Variants in KCTD13 observed in about 807,000 individuals in gnomAD.
The protein encoded by KCTD13 is BTB/POZ domain-containing adapter for CUL3-mediated RhoA degradation protein 1.
KCTD13 carries 15 observed loss-of-function variants against 32.3 expected under a neutral mutation model. The observed-to-expected ratio is 0.46, with a 90% CI of 0.31 to 0.71. KCTD13 has a LOEUF of 0.71. Among genes scored for constraint, KCTD13 ranks in the 30% least tolerant of loss-of-function variants. KCTD13 has a pLI of 0.05. For missense variants in KCTD13, 337 were observed against 452.6 expected (o/e 0.74, Z 2.32); for synonymous variants, 189 against 200.1 (o/e 0.94, Z 0.47).
chr16:29,916,101 C>G (rs1456777081), intron 2 of KCTD13, among the ~76,000 whole-genome samples: 2 of 152,192 alleles, frequency 1.3e-5, no homozygotes, highest in African/African-American at 4.8e-5. Context: ...ACCCTCCACA[C>G]TAATGCAGGA....
intron 5 of KCTD13, among the ~76,000 whole-genome samples, chr16:29,910,657 C>T (rs1226825370): frequency 6.6e-6 from 1 of 152,150 alleles, no homozygotes; most frequent in African/African-American, 2.4e-5. Context: ...CTATGCCTCA[C>T]CCCTTCTGAG....
chr16:29,923,303 G>A lies in KCTD13; in HGVS notation c.301C>T (p.Arg101Trp). The A allele has an allele frequency of 1.2e-6, 2 of 1,614,096 alleles. No homozygotes were observed. Among genetic ancestry groups the A allele is most frequent in the Non-Finnish European group, 8.5e-7 (1 of 1,180,030 alleles). Residue 101 changes from arginine (R) to tryptophan (W), a missense_variant, in exon 2 of 6, where the codon CGG becomes TGG. This residue lies in a region of KCTD13 where 252 missense variants were observed against 340.2 expected (regional missense o/e 0.74). Transcript: ENST00000568000. ...TCCGGCAGTGGCACAGACCCATCCC[G>A]CAGGTAATTGAGGATTGTACCAAAG... is the stretch of plus-strand genomic sequence containing the variant. Reference protein sequence around the residue: ...RHFGTILNYLRDGSVPLPEST... With the variant: ...RHFGTILNYLWDGSVPLPEST...
intron 2 of KCTD13, chr16:29,912,409 G>C: frequency 2.7e-6 from 1 of 366,110 alleles, no homozygotes; most frequent in Non-Finnish European, 4.9e-6. Flanking sequence ...GGCTAAAACA[G>C]CCTCCTCTAC....
At chr16:29,921,648 C>T (rs922084220) in intron 2 of KCTD13, 1 of 151,988 alleles carries the variant, frequency 6.6e-6, no homozygotes, top group South Asian at 2.1e-4. Context: ...AACTACAGGC[C>T]GGGTTTTAAA....
Position 29,911,883 on chromosome 16 carries a change from G to T in KCTD13, c.505-16C>A. On this transcript the variant is annotated splice_polypyrimidine_tract_variant and intron_variant, in intron 3 of 5. Coordinates refer to ENST00000568000, the MANE Select transcript of KCTD13 (RefSeq NM_178863.5). Reference sequence around the variant, plus strand: ...TCACCACGGGCTGGCGGGGGAGAGAGGATGGACGAGAGGGGTGAGGCTGCA... The same window carrying T: ...TCACCACGGGCTGGCGGGGGAGAGATGATGGACGAGAGGGGTGAGGCTGCA... 3 of 1,612,078 alleles carry T rather than the reference G, an allele frequency of 1.9e-6. No homozygotes were observed. The highest frequency in any genetic ancestry group is 2.5e-6 in the Non-Finnish European group (3 of 1,178,946).
chr16:29,918,318 G>C (rs2068844878), intron 2 of KCTD13, among the ~76,000 whole-genome samples: 1 of 152,186 alleles, frequency 6.6e-6, no homozygotes, highest in Admixed American at 6.5e-5. Context: ...CCATCCCCTA[G>C]ATCCAGGGGC....
Position 29,925,934 on chromosome 16 carries a change from T to C in KCTD13, c.100A>G (p.Lys34Glu). The change falls in exon 1 of 6, where the codon AAG (lysine) becomes GAG (glutamate). Residue 34 changes from lysine to glutamate, a missense_variant. Coordinates refer to ENST00000568000, the MANE Select transcript of KCTD13 (RefSeq NM_178863.5). Reference protein sequence around the residue: ...LEPGPAAYGLKPLTPNSKYVK... With the variant: ...LEPGPAAYGLEPLTPNSKYVK... ...TATTTGCTGTTCGGGGTCAGCGGCT[T>C]GAGACCGTAGGCGGCGGGGCCAGGC... 6.2e-7 allele frequency: 1 copy of C among 1,613,740 alleles called. No homozygotes were observed. The highest frequency in any genetic ancestry group is 1.1e-5 in the South Asian group (1 of 91,076).
chr16:29,912,307 T>C, intron 2 of KCTD13: 1 of 552,810 alleles, frequency 1.8e-6, no homozygotes, highest in East Asian at 3.2e-5. Context: ...GGGATGCTTC[T>C]TTGCTCAGCT....
In KCTD13 at chr16:29,906,423, G is replaced by C. The variant is rs1028008262; in HGVS notation, c.*449C>G. 25 of 412,926 alleles carry C rather than the reference G, an allele frequency of 6.1e-5. No homozygotes were observed. Among genetic ancestry groups the C allele is most frequent in the Non-Finnish European group, 1.1e-4 (23 of 206,228 alleles). 25.6% of individuals were successfully genotyped at this position (412,926 alleles called of 1,614,324 possible). ...AAACAGACTGATAACGCTGAGCTGGGCAGGCCCAGGCCAGTCTAGTACAAA... is the reference window on the plus strand; with the variant it reads ...AAACAGACTGATAACGCTGAGCTGGCCAGGCCCAGGCCAGTCTAGTACAAA... On this transcript the variant is annotated 3_prime_UTR_variant, in exon 6 of 6. Coordinates refer to ENST00000568000, the MANE Select transcript of KCTD13 (RefSeq NM_178863.5).
intron 2 of KCTD13, among the ~76,000 whole-genome samples, chr16:29,918,808 C>G (rs976481588): frequency 6.6e-6 from 1 of 152,180 alleles, no homozygotes; most frequent in East Asian, 1.9e-4. Flanking sequence ...CAGATGCCCA[C>G]CACCAGGCCT....
intron 2 of KCTD13, among the ~76,000 whole-genome samples, chr16:29,918,519 G>A (rs1322457088): frequency 6.6e-6 from 1 of 152,046 alleles, no homozygotes; most frequent in Non-Finnish European, 1.5e-5. Context: ...TGACCAGGCT[G>A]GAGTGCAGTG....
At chr16:29,912,555 C>A (rs1338332831) in intron 2 of KCTD13, among the ~76,000 whole-genome samples, 2 of 152,226 alleles carry the variant, frequency 1.3e-5, no homozygotes, top group African/African-American at 4.8e-5. Context: ...ATTCTCCTGC[C>A]TCAGCCTCCT....
chr16:29,918,932 A>C lies in KCTD13; in HGVS notation c.414+4258T>G, dbSNP rs574531104. Among the ~76,000 whole-genome samples, 361 of 152,290 alleles carry C rather than the reference A, an allele frequency of 2.4e-3. 1 individual carries two copies. Among genetic ancestry groups the C allele is most frequent in the African/African-American group, 8.4e-3 (349 of 41,562 alleles). On this transcript the variant is annotated intron_variant, in intron 2 of 5. Coordinates refer to ENST00000568000, the MANE Select transcript of KCTD13 (RefSeq NM_178863.5). Reference sequence around the variant, plus strand: ...CTCAGCCTCCCAAAGTGCTGGGATTACAGGCATGAGCCACCGCACCTGGCA... The same window carrying C: ...CTCAGCCTCCCAAAGTGCTGGGATTCCAGGCATGAGCCACCGCACCTGGCA...
intron 2 of KCTD13, among the ~76,000 whole-genome samples, chr16:29,918,354 G>A (rs1322983722): frequency 6.6e-6 from 1 of 152,212 alleles, no homozygotes; most frequent in Non-Finnish European, 1.5e-5. Flanking sequence ...TTAATGACGA[G>A]TCATATTAAC....
In KCTD13 at chr16:29,911,803, C is replaced by T; in HGVS notation, c.557+12G>A. ...CAGGGTCCCGCCCAGTGCCCCGCAC[C>T]CCGGCGGTCACCTGGTGTAGGAGTA... On this transcript the variant is annotated intron_variant, in intron 4 of 5. Transcript: ENST00000568000. 6.2e-7 allele frequency: 1 copy of T among 1,612,278 alleles called. No homozygotes were observed. Among genetic ancestry groups the T allele is most frequent in the Non-Finnish European group, 8.5e-7 (1 of 1,179,628 alleles).
intron 2 of KCTD13, among the ~76,000 whole-genome samples, chr16:29,917,143 G>A (rs1057199396): frequency 2.0e-5 from 3 of 152,104 alleles, no homozygotes; most frequent in Admixed American, 6.6e-5. Context: ...TTTGGTGTGG[G>A]AGGGGACTGA....
chr16:29,922,796 G>A (rs1597030752), intron 2 of KCTD13: 7 of 396,006 alleles, frequency 1.8e-5, no homozygotes, highest in East Asian at 1.4e-4. Flanking sequence ...GGGCCAGATC[G>A]CAGAGGTTAT....
In KCTD13 at chr16:29,923,221, C is replaced by T. The variant is rs746485102; in HGVS notation, c.383G>A (p.Gly128Asp). 5.0e-6 allele frequency: 8 copies of T among 1,614,198 alleles called. No homozygotes were observed. Among genetic ancestry groups the T allele is most frequent in the Non-Finnish European group, 6.8e-6 (8 of 1,180,024 alleles). Residue 128 changes from glycine to aspartate, a missense_variant, in exon 2 of 6, where the codon GGC becomes GAC. Gly to Asp is a moderately conservative substitution (Grantham distance 94, BLOSUM62 -1). Around this residue, in one of 3 missense-constraint regions of KCTD13, gnomAD observed 252 missense variants for 340.2 expected, o/e 0.74. Coordinates refer to ENST00000568000, the MANE Select transcript of KCTD13 (RefSeq NM_178863.5). ...CGCCAGCTGGCAGTCCTCAATCAGG[C>T]CCTGCACCAGGTAGTAGCGTGCTTC... is the stretch of plus-strand genomic sequence containing the variant. Reference protein sequence around the residue: ...LGEARYYLVQGLIEDCQLALQ... With the variant: ...LGEARYYLVQDLIEDCQLALQ...
At chr16:29,912,164 G>A (rs1268747163) in intron 2 of KCTD13, 115 bp from the exon 3 acceptor site, 2 of 710,066 alleles carry the variant, frequency 2.8e-6, no homozygotes, top group Non-Finnish European at 4.9e-6. Context: ...GGTCCGCAGG[G>A]CTCTGCAGGC....
Sources: gnomAD v4.1 joint callset for allele counts (sites outside exome capture counted in the v4.1 genomes callset) on GRCh38, gnomAD v4.1.1 for gene constraint, gnomAD v4.1.1 regional missense constraint, MANE v1.5 for transcripts, NCBI Gene and HGNC (gene_info 2026-07-23, HGNC 2026-07-21) for gene names.